FUBP3: variants seen among roughly 807,000 people sequenced by gnomAD.
The protein encoded by FUBP3 is far upstream element binding protein 3.
A neutral mutation model predicts 85.6 loss-of-function variants in FUBP3; 28 were observed. That is an observed-to-expected ratio of 0.33 (90% confidence interval 0.24 to 0.45). The LOEUF is 0.45. Ranked by LOEUF, FUBP3 falls within the 20% of genes least tolerant of loss-of-function variation. The probability of loss-of-function intolerance (pLI) is 1.00; values close to 1 mark genes in which losing one functional copy is unlikely to be tolerated. For missense variants in FUBP3, 583 were observed against 755.1 expected (o/e 0.77, Z 2.67); for synonymous variants, 271 against 271.4 (o/e 1.00, Z 0.01).
intron 6 of FUBP3, 48 bp downstream of exon 6, chr9:130,614,393 C>A: frequency 8.2e-7 from 1 of 1,216,506 alleles, no homozygotes; most frequent in South Asian, 1.2e-5. Context: ...TCCTCCTTCC[C>A]CAAATGGGGA....
intron 1 of FUBP3, among the ~76,000 whole-genome samples, chr9:130,591,884 C>T (rs1405074434): frequency 1.3e-5 from 2 of 152,158 alleles, no homozygotes; most frequent in South Asian, 2.1e-4. Flanking sequence ...GAAACTACTA[C>T]ATACGTTAGA....
rs1831805375 is a variant in FUBP3 at position 130,612,644 on chromosome 9, A to G, written c.274+139A>G. 1.0e-5 allele frequency: 7 copies of G among 699,772 alleles called. No homozygotes were observed. In the South Asian group the frequency reaches 1.1e-4, roughly 11 times the overall value. 43.3% of individuals were successfully genotyped at this position (699,772 alleles called of 1,614,324 possible). On this transcript the variant is annotated intron_variant, in intron 4 of 18. Transcript: ENST00000319725. This position sits in a 1 kb window ranked among gnomAD's most constrained non-coding sequence, Gnocchi z 4.1. ...TCACCTGTAGTAGAATGCTTTGCAC[A>G]TGCCATTCCCCACAGCTCTGAAATG...
chr9:130,628,910 C>T (rs1431332886), intron 12 of FUBP3, among the ~76,000 whole-genome samples: 1 of 152,152 alleles, frequency 6.6e-6, no homozygotes, highest in Non-Finnish European at 1.5e-5. Context: ...GCTTGGATTA[C>T]AGGCATGCGC....
At chr9:130,592,638 G>A (rs954858009) in intron 1 of FUBP3, among the ~76,000 whole-genome samples, 2 of 152,102 alleles carry the variant, frequency 1.3e-5, no homozygotes, top group South Asian at 2.1e-4. Flanking sequence ...CTCAAACCCC[G>A]GCTCAAGCAG....
chr9:130,606,693 G>A (rs977424869), intron 2 of FUBP3, among the ~76,000 whole-genome samples: 5 of 152,152 alleles, frequency 3.3e-5, no homozygotes, highest in East Asian at 1.9e-4. Context: ...AGTGGCGCAT[G>A]CCTGTAATCC....
rs2119081017 is a variant in FUBP3 at position 130,616,292 on chromosome 9, G to A, written c.405-63G>A. 1 of 1,532,518 alleles carries A rather than the reference G, an allele frequency of 6.5e-7. No individual in the cohort carries two copies. The highest frequency in any genetic ancestry group is 9.0e-7 in the Non-Finnish European group (1 of 1,110,880). The allele number at this position is 1,532,518 out of a possible 1,614,324, so 94.9% of individuals were successfully genotyped here. A position where few individuals can be genotyped will look rare whatever the true frequency, so the allele number is the denominator to read the frequency against. On this transcript the variant is annotated intron_variant, in intron 6 of 18. Coordinates refer to ENST00000319725, the MANE Select transcript of FUBP3 (RefSeq NM_003934.2). This position sits in a 1 kb window ranked among gnomAD's most constrained non-coding sequence, Gnocchi z 4.7. ...GTTTTTCCCTCAGTGCTATTTCCCT[G>A]TCTTGCACACTTAGAGCCTCCATTT...
In FUBP3 at chr9:130,618,496, G is replaced by C. The variant is rs573620991; in HGVS notation, c.666+601G>C. On this transcript the variant is annotated intron_variant, in intron 8 of 18. Coordinates refer to ENST00000319725, the MANE Select transcript of FUBP3 (RefSeq NM_003934.2). Reference sequence around the variant, plus strand: ...GCTGCCAGGCGGGACAGCCCCGCTGGCTGGAAGCAGTAAGGGACTTGGTTT... The same window carrying C: ...GCTGCCAGGCGGGACAGCCCCGCTGCCTGGAAGCAGTAAGGGACTTGGTTT... Among the ~76,000 whole-genome samples the C allele has an allele frequency of 4.0e-4, 61 of 152,370 alleles. 1 individual carries two copies. In the South Asian group the frequency reaches 0.012, roughly 30 times the overall value.
intron 1 of FUBP3, among the ~76,000 whole-genome samples, chr9:130,589,732 A>ATTTTTTTT (rs1564191169): frequency 4.3e-5 from 4 of 93,890 alleles, no homozygotes; most frequent in African/African-American, 2.2e-4. Flanking sequence ...TTTTTTTAAG[A>ATTTTTTTT]GACAGGGTCT....
chr9:130,630,843 T>C lies in FUBP3; in HGVS notation c.1278+55T>C, dbSNP rs934628538. ...TTACTCATAGCTGTTTTCTTGTGGA[T>C]GTCCAAGGTACCAGCTTTTCCCACC... On this transcript the variant is annotated intron_variant, in intron 13 of 18. Transcript: ENST00000319725. 1.7e-5 allele frequency: 22 copies of C among 1,304,268 alleles called. No individual in the cohort carries two copies. In the African/African-American group the frequency reaches 2.3e-4, roughly 14 times the overall value. The allele number at this position is 1,304,268 out of a possible 1,614,324, so 80.8% of individuals were successfully genotyped here. A position where few individuals can be genotyped will look rare whatever the true frequency, so the allele number is the denominator to read the frequency against.
chr9:130,612,286 G>C lies in FUBP3; in HGVS notation c.225-170G>C, dbSNP rs1349664563. ...TTTGGAAGGAGTGATTGACCAGACG[G>C]TTCATTACGTGACACTCTTTGTAGG... is the stretch of plus-strand genomic sequence containing the variant. On this transcript the variant is annotated intron_variant, in intron 3 of 18. Transcript: ENST00000319725. This position sits in a 1 kb window ranked among gnomAD's most constrained non-coding sequence, Gnocchi z 4.1. 1.3e-5 allele frequency among the ~76,000 whole-genome samples: 2 copies of C among 152,192 alleles called. No individual in the cohort carries two copies. Among genetic ancestry groups the C allele is most frequent in the Non-Finnish European group, 2.9e-5 (2 of 68,044 alleles).
intron 7 of FUBP3, among the ~76,000 whole-genome samples, 166 bp from the exon 8 acceptor site, chr9:130,617,631 T>C (rs1329013184): frequency 2.0e-5 from 3 of 152,256 alleles, no homozygotes; most frequent in Non-Finnish European, 2.9e-5. Context: ...CCGACCTATA[T>C]GTCTGCTGTC....
chr9:130,598,391 G>T (rs1225462179), intron 2 of FUBP3, among the ~76,000 whole-genome samples: 1 of 152,190 alleles, frequency 6.6e-6, no homozygotes, highest in Non-Finnish European at 1.5e-5. Flanking sequence ...GTGAAAGGCT[G>T]AATGAGTTGT....
chr9:130,611,266 C>T lies in FUBP3; in HGVS notation c.225-1190C>T, dbSNP rs77560094. ...GCCACACGCACAAGAGCCCTGTCAT[C>T]CCTCATAACAAGGTCAGGAAGCACA... On this transcript the variant is annotated intron_variant, in intron 3 of 18. Transcript: ENST00000319725. Among the ~76,000 whole-genome samples the T allele has an allele frequency of 3.1e-3, 472 of 152,308 alleles. 14 individuals are homozygous for T. The highest frequency in any genetic ancestry group is 2.7e-3 in the Non-Finnish European group (184 of 68,020).
intron 3 of FUBP3, among the ~76,000 whole-genome samples, chr9:130,611,271 A>G (rs1019156933): frequency 6.6e-6 from 1 of 152,190 alleles, no homozygotes; most frequent in Non-Finnish European, 1.5e-5. Flanking sequence ...GTCATCCCTC[A>G]TAACAAGGTC....
chr9:130,595,231 A>G, intron 1 of FUBP3, among the ~76,000 whole-genome samples: 1 of 151,528 alleles, frequency 6.6e-6, no homozygotes, highest in Non-Finnish European at 1.5e-5. Context: ...CGTCTCAAAA[A>G]AAAAAAAAAA....
intron 1 of FUBP3, among the ~76,000 whole-genome samples, chr9:130,595,167 G>A (rs1045858933): frequency 2.0e-4 from 30 of 150,002 alleles, no homozygotes; most frequent in East Asian, 7.9e-4. Flanking sequence ...CAAAGGTTGC[G>A]GTGAGCCAAG....
rs1289076643 is a variant in FUBP3, at chr9:130,637,314, T to C, written c.*292T>C. The stretch of plus-strand genomic sequence containing the variant: ...CAGAATGTGCCTCAGAGCTGTGACA[T>C]TTCAACATGATGGTTTTGGTTTGGT... On this transcript the variant is annotated 3_prime_UTR_variant, in exon 19 of 19. Coordinates refer to ENST00000319725, the MANE Select transcript of FUBP3 (RefSeq NM_003934.2). 1 of 404,404 alleles carries C rather than the reference T, an allele frequency of 2.5e-6. No homozygotes were observed. Among genetic ancestry groups the C allele is most frequent in the African/African-American group, 2.0e-5 (1 of 49,522 alleles). 25.1% of individuals were successfully genotyped at this position (404,404 alleles called of 1,614,324 possible).
Position 130,616,414 on chromosome 9 carries a change from A to G in FUBP3, c.464A>G (p.His155Arg), listed in dbSNP as rs1023215304. Residue 155 changes from histidine (H) to arginine (R), a missense_variant, in exon 7 of 19, where the codon CAT becomes CGT. His to Arg is a conservative substitution (Grantham distance 29). Transcript: ENST00000319725. This position sits in a 1 kb window ranked among gnomAD's most constrained non-coding sequence, Gnocchi z 4.7. The part of the protein sequence containing the change: ...VDRCRNGPGF[H>R]NDIDSNSTIQ... ...CGCTGTCGAAATGGACCTGGCTTTC[A>G]TAATGACATAGACAGCAACAGCACA... is the stretch of plus-strand genomic sequence containing the variant. The G allele has an allele frequency of 1.9e-6, 3 of 1,614,006 alleles. No individual in the cohort carries two copies. Among genetic ancestry groups the G allele is most frequent in the Non-Finnish European group, 2.5e-6 (3 of 1,179,974 alleles).
chr9:130,622,327 A>C (rs1334533521), intron 9 of FUBP3, among the ~76,000 whole-genome samples: 1 of 149,302 alleles, frequency 6.7e-6, no homozygotes, highest in African/African-American at 2.5e-5. Flanking sequence ...CTCCAAAAAA[A>C]AAAAAAAAAA....
Sources: gnomAD v4.1 joint callset for allele counts (sites outside exome capture counted in the v4.1 genomes callset) on GRCh38, gnomAD v4.1.1 for gene constraint, Gnocchi (gnomAD v3.1) non-coding constraint, MANE v1.5 for transcripts, NCBI Gene and HGNC (gene_info 2026-07-23, HGNC 2026-07-21) for gene names.